RFX7: variants seen among roughly 807,000 people sequenced by gnomAD.
RFX7 encodes the protein regulatory factor X7, also known as DNA-binding protein RFX7.
RFX7 carries 26 observed loss-of-function variants against 111.8 expected under a neutral mutation model. The ratio of observed to expected loss-of-function variants is 0.23; its 90% CI spans 0.17 to 0.32. The LOEUF (loss-of-function observed/expected upper bound fraction) is 0.32. RFX7 is among the 10% of genes least tolerant of loss of function. The probability of loss-of-function intolerance (pLI) is 1.00; values close to 1 mark genes in which losing one functional copy is unlikely to be tolerated. For synonymous variants in RFX7, 624 were observed against 624.4 expected, an observed-to-expected ratio of 1.00 and a Z score of 0.01; for missense variants, 1,573 against 1,772.9, an observed-to-expected ratio of 0.89 and a Z score of 2.02.
intron 2 of RFX7, among the ~76,000 whole-genome samples, chr15:56,183,136 A>G (rs1173765634): frequency 6.6e-6 from 1 of 152,124 alleles, no homozygotes; most frequent in Non-Finnish European, 1.5e-5. Flanking sequence ...CCTGTTAGAC[A>G]TAGGGATTTT....
At position 56,088,877 on chromosome 15, in the gene RFX7, T is replaced by C. The variant is rs2041561726; in HGVS notation, c.*4468A>G. The stretch of plus-strand genomic sequence containing the variant: ...TCAAATTCTTATTTTTTCTTCTACA[T>C]AGTGTAGTATACATACTGTTGGCAC... On this transcript the variant is annotated 3_prime_UTR_variant, in exon 10 of 10. Coordinates refer to ENST00000559447, the MANE Select transcript of RFX7 (RefSeq NM_022841.7). 6.6e-6 allele frequency: 1 copy of C among 152,190 alleles called. No individual in the cohort carries two copies. The highest frequency in any genetic ancestry group is 1.5e-5 in the Non-Finnish European group (1 of 68,042). 9.4% of individuals were successfully genotyped at this position (152,190 alleles called of 1,614,324 possible).
chr15:56,218,177 G>A (rs1459801935), intron 2 of RFX7, among the ~76,000 whole-genome samples: 5 of 93,512 alleles, frequency 5.3e-5, no homozygotes, highest in Non-Finnish European at 9.6e-5. Context: ...TTTTTGAGAC[G>A]GAGTCTTGCT....
In RFX7 at chr15:56,095,166, C is replaced by A; in HGVS notation, c.2562G>T (p.Gln854His). ...LNQIQAHSSD[Q>H]LPLQSELKEF... Reference sequence around the variant, plus strand: ...CCTTCAGTTCAGATTGCAGAGGTAACTGATCTGAAGAATGTGCTTGTATTT... The same window carrying A: ...CCTTCAGTTCAGATTGCAGAGGTAAATGATCTGAAGAATGTGCTTGTATTT... Residue 854 changes from glutamine (Q) to histidine (H), a missense_variant, in exon 10 of 10, where the codon CAG (glutamine) becomes CAT (histidine). Coordinates refer to ENST00000559447, the MANE Select transcript of RFX7 (RefSeq NM_022841.7). 1 of 1,613,940 alleles carries A rather than the reference C, an allele frequency of 6.2e-7. No individual in the cohort carries two copies. Among genetic ancestry groups the A allele is most frequent in the Non-Finnish European group, 8.5e-7 (1 of 1,179,858 alleles).
chr15:56,213,231 C>A (rs2043330328), intron 2 of RFX7, among the ~76,000 whole-genome samples: 3 of 152,162 alleles, frequency 2.0e-5, no homozygotes, highest in Non-Finnish European at 4.4e-5. Context: ...ACATAAAAAC[C>A]TGTACATAAA....
rs1253781208 is a variant in RFX7, at chr15:56,138,768, C to T, written c.401+4010G>A. ...GCAGCTGGTACTGGTTTTTCCTTTC[C>T]ATGTTTAGCCCTTCCTTCAGGAGCT... On this transcript the variant is annotated intron_variant, in intron 5 of 9. Transcript: ENST00000559447. Among the ~76,000 whole-genome samples, 5 of 152,000 alleles carry T rather than the reference C, an allele frequency of 3.3e-5. No individual in the cohort carries two copies. The South Asian group carries it at 1.0e-3, about 32-fold the overall frequency.
intron 2 of RFX7, among the ~76,000 whole-genome samples, chr15:56,239,289 A>G (rs543664139): frequency 6.6e-6 from 1 of 151,824 alleles, no homozygotes; most frequent in East Asian, 1.9e-4. Context: ...TTTTTTTTTA[A>G]CGGAGTTTTG....
At chr15:56,116,521 T>A (rs1313701915) in intron 5 of RFX7, among the ~76,000 whole-genome samples, 34 of 152,212 alleles carry the variant, frequency 2.2e-4, no homozygotes, top group African/African-American at 8.2e-4. Context: ...GACATTCTTA[T>A]AGAATCTGTG....
chr15:56,154,561 G>A (rs1195668526), intron 3 of RFX7, among the ~76,000 whole-genome samples: 1 of 152,144 alleles, frequency 6.6e-6, no homozygotes, highest in East Asian at 1.9e-4. Context: ...ATGGTGCTGG[G>A]AAAACTGGCT....
intron 2 of RFX7, among the ~76,000 whole-genome samples, chr15:56,215,256 G>T (rs139524838): frequency 3.3e-5 from 5 of 152,196 alleles, no homozygotes; most frequent in African/African-American, 9.6e-5. Flanking sequence ...TATTATTATT[G>T]TATCATTTTA....
Position 56,167,299 on chromosome 15 carries a change from T to A in RFX7, c.195+11971A>T, listed in dbSNP as rs182097623. Among the ~76,000 whole-genome samples, 1,009 of 152,102 alleles carry A rather than the reference T, an allele frequency of 6.6e-3. 6 individuals are homozygous for A. The highest frequency in any genetic ancestry group is 8.6e-3 in the Non-Finnish European group (585 of 67,998). On this transcript the variant is annotated intron_variant, in intron 3 of 9. Coordinates refer to ENST00000559447, the MANE Select transcript of RFX7 (RefSeq NM_022841.7). ...CTGCACTCCAAACTGGGTGACAGAGTGAGACGATGTCTCAAGGAAAAAAAA... is the reference window on the plus strand; with the variant it reads ...CTGCACTCCAAACTGGGTGACAGAGAGAGACGATGTCTCAAGGAAAAAAAA...
chr15:56,219,932 GA>G (rs2043406442), intron 2 of RFX7, among the ~76,000 whole-genome samples: 1 of 152,162 alleles, frequency 6.6e-6, no homozygotes, highest in African/African-American at 2.4e-5. Flanking sequence ...AGTTCTTTGA[GA>G]AATCTCCAAA....
chr15:56,096,563 T>G lies in RFX7; in HGVS notation c.1165A>C (p.Lys389Gln), dbSNP rs759481426. 34 of 1,599,534 alleles carry G rather than the reference T, an allele frequency of 2.1e-5. No individual in the cohort carries two copies. The highest frequency in any genetic ancestry group is 5.6e-5 in the South Asian group (5 of 88,506). The change falls in exon 10 of 10, where the codon AAA becomes CAA. Residue 389 changes from lysine (K) to glutamine (Q), a missense_variant. Coordinates refer to ENST00000559447, the MANE Select transcript of RFX7 (RefSeq NM_022841.7). ...SPSPMSSSDG[K>Q]VLPLNVQVVT... Reference sequence around the variant, plus strand: ...ACCTGTACATTGAGGGGAAGAACTTTGCCGTCAGAAGAACTCATTGGACTC... The same window carrying G: ...ACCTGTACATTGAGGGGAAGAACTTGGCCGTCAGAAGAACTCATTGGACTC...
Position 56,095,516 on chromosome 15 carries a change from C to G in RFX7, c.2212G>C (p.Val738Leu). The G allele has an allele frequency of 1.2e-6, 2 of 1,613,330 alleles. No homozygotes were observed. Among genetic ancestry groups the G allele is most frequent in the Non-Finnish European group, 1.7e-6 (2 of 1,179,852 alleles). The stretch of plus-strand genomic sequence containing the variant: ...TGTTCCAAAGCTGAATCACTGATAA[C>G]AAGGGCAGAGGAATTCAAGGGTTGA... ...ANQPLNSSAL[V>L]ISDSALEQQT... Residue 738 changes from valine to leucine, a missense_variant, in exon 10 of 10, where the codon GTT (valine) becomes CTT (leucine). Val to Leu is a conservative substitution (Grantham distance 32, BLOSUM62 1). This residue lies in a region of RFX7 where 625 missense variants were observed against 632.2 expected (regional missense o/e 0.99). Coordinates refer to ENST00000559447, the MANE Select transcript of RFX7 (RefSeq NM_022841.7).
At chr15:56,127,458 G>A (rs1238861532) in intron 5 of RFX7, among the ~76,000 whole-genome samples, 1 of 150,160 alleles carries the variant, frequency 6.7e-6, no homozygotes, top group Non-Finnish European at 1.5e-5. Context: ...GCAGAAGAAG[G>A]CTATAATAAA....
At chr15:56,136,381 G>A (rs1365329818) in intron 5 of RFX7, among the ~76,000 whole-genome samples, 1 of 145,790 alleles carries the variant, frequency 6.9e-6, no homozygotes, top group Non-Finnish European at 1.5e-5. Flanking sequence ...TGAAGCAATT[G>A]TGAATGGGAG....
Position 56,240,106 on chromosome 15 carries a change from C to CT in RFX7, c.161+3018dup, listed in dbSNP as rs71441432. On this transcript the variant is annotated intron_variant, in intron 2 of 9. Transcript: ENST00000559447. ...TAAAAATACATGGGTTACTAGTTTT[C>CT]TTTTTTTTTTTTTAACAACAAAAAG... 7.8e-3 allele frequency among the ~76,000 whole-genome samples: 1,082 copies of CT among 138,018 alleles called. 11 individuals carry two copies. The highest frequency in any genetic ancestry group is 0.029 in the African/African-American group (1,011 of 34,290). 90.5% of individuals were successfully genotyped at this position (138,018 alleles called of 152,430 possible).
At chr15:56,135,078 T>G (rs1299051576) in intron 5 of RFX7, among the ~76,000 whole-genome samples, 5 of 152,226 alleles carry the variant, frequency 3.3e-5, no homozygotes, top group African/African-American at 1.2e-4. Context: ...TAAACATACG[T>G]GTGCATGTGT....
chr15:56,116,884 C>A (rs904406793), intron 5 of RFX7, among the ~76,000 whole-genome samples: 7 of 151,898 alleles, frequency 4.6e-5, no homozygotes, highest in African/African-American at 1.5e-4. Context: ...ACAAACTGTA[C>A]AAATATTGAG....
At chr15:56,110,444 G>A (rs1342328516) in intron 5 of RFX7, among the ~76,000 whole-genome samples, 3 of 127,620 alleles carry the variant, frequency 2.4e-5, no homozygotes, top group East Asian at 2.5e-4. Flanking sequence ...CCGGCCAGCC[G>A]CCCCATCCGG....
Sources: allele counts gnomAD v4.1 joint callset (sites outside exome capture counted in the v4.1 genomes callset), GRCh38; gene constraint gnomAD v4.1.1; regional missense constraint gnomAD v4.1.1; transcripts MANE v1.5; gene names NCBI Gene and HGNC (gene_info 2026-07-23, HGNC 2026-07-21).